The following ARHGAP28 variants were observed in gnomAD, a reference collection of about 807,000 sequenced individuals.
ARHGAP28 encodes Rho GTPase activating protein 28.
A neutral mutation model predicts 90.7 loss-of-function variants in ARHGAP28; 56 were observed. The ratio of observed to expected loss-of-function variants is 0.62; its 90% confidence interval spans 0.50 to 0.77. ARHGAP28 has a LOEUF of 0.77. ARHGAP28 is among the 30% of genes least tolerant of loss of function. ARHGAP28 has a pLI of 0.00. For missense variants in ARHGAP28, 869 were observed against 900.9 expected (o/e 0.96, Z 0.45); for synonymous variants, 308 against 323.3 (o/e 0.95, Z 0.51).
intron 1 of ARHGAP28, among the ~76,000 whole-genome samples, chr18:6,755,348 G>A (rs2056101135): frequency 6.6e-6 from 1 of 152,134 alleles, no homozygotes; most frequent in Non-Finnish European, 1.5e-5. Flanking sequence ...GGATATAAAT[G>A]CCATTAGGGT....
chr18:6,771,364 A>G (rs1426272912), intron 1 of ARHGAP28, among the ~76,000 whole-genome samples: 1 of 152,146 alleles, frequency 6.6e-6, no homozygotes, highest in Admixed American at 6.5e-5. Flanking sequence ...ATTTTCAATT[A>G]TTAATGCTCA....
chr18:6,762,386 CCT>C (rs1407949167), intron 1 of ARHGAP28, among the ~76,000 whole-genome samples: 1 of 152,162 alleles, frequency 6.6e-6, no homozygotes, highest in Non-Finnish European at 1.5e-5. Flanking sequence ...CCACCACTTC[CCT>C]CTCTAGCTTC....
Position 6,913,963 on chromosome 18 carries a change from A to G in ARHGAP28, c.*1809A>G, listed in dbSNP as rs2143903198. The G allele has an allele frequency of 6.6e-6, 1 of 152,296 alleles. No individual in the cohort carries two copies. Among genetic ancestry groups the G allele is most frequent in the East Asian group, 1.9e-4 (1 of 5,188 alleles). The allele number at this position is 152,296 out of a possible 1,614,324, so 9.4% of individuals were successfully genotyped here. On this transcript the variant is annotated 3_prime_UTR_variant, in exon 18 of 18. Transcript: ENST00000383472. ...ACATCCCAAGATGTAAAACGGCAGTAATTTATGACCACGTATGGAAGAAAT... is the reference window on the plus strand; with the variant it reads ...ACATCCCAAGATGTAAAACGGCAGTGATTTATGACCACGTATGGAAGAAAT...
chr18:6,854,080 G>C (rs555610077), intron 4 of ARHGAP28, among the ~76,000 whole-genome samples: 1 of 151,930 alleles, frequency 6.6e-6, no homozygotes, highest in Non-Finnish European at 1.5e-5. Flanking sequence ...TTACATGAAA[G>C]TTGAACCAGA....
At chr18:6,794,286 CAAGTA>C (rs2056426352) in intron 1 of ARHGAP28, among the ~76,000 whole-genome samples, 1 of 152,188 alleles carries the variant, frequency 6.6e-6, no homozygotes, top group Non-Finnish European at 1.5e-5. Context: ...CATAATACAA[CAAGTA>C]AATTGTAGTG....
intron 16 of ARHGAP28, 24 bp from the exon 17 acceptor site, chr18:6,908,936 A>T (rs1323301161): frequency 7.2e-7 from 1 of 1,388,380 alleles, no homozygotes; most frequent in Non-Finnish European, 1.0e-6. Flanking sequence ...TACTAAAATT[A>T]TATTATTTTC....
At position 6,829,738 on chromosome 18, in the gene ARHGAP28, C is replaced by T. The variant is rs933570013; in HGVS notation, c.325+4774C>T. Reference sequence around the variant, plus strand: ...TTGCATCATTAATTATTTTGGGGTTCGGCTTCTTTCACTGAGCATAGTTTT... The same window carrying T: ...TTGCATCATTAATTATTTTGGGGTTTGGCTTCTTTCACTGAGCATAGTTTT... On this transcript the variant is annotated intron_variant, in intron 2 of 17. Transcript: ENST00000383472. Among the ~76,000 whole-genome samples, 12 of 152,106 alleles carry T rather than the reference C, an allele frequency of 7.9e-5. No homozygotes were observed. The East Asian group carries it at 9.6e-4, about 12-fold the overall frequency.
intron 5 of ARHGAP28, among the ~76,000 whole-genome samples, chr18:6,860,127 C>G (rs1316471712): frequency 6.6e-6 from 1 of 152,180 alleles, no homozygotes; most frequent in Admixed American, 6.5e-5. Flanking sequence ...AGCCAGAAAT[C>G]AAAGGATGTT....
chr18:6,743,648 A>G (rs1267799505), intron 1 of ARHGAP28, among the ~76,000 whole-genome samples: 1 of 152,260 alleles, frequency 6.6e-6, no homozygotes, highest in African/African-American at 2.4e-5. Context: ...AAATAATCAT[A>G]GCTTCATACA....
Position 6,783,241 on chromosome 18 carries a change from AG to A in ARHGAP28, c.123-41520del, listed in dbSNP as rs552840026. On this transcript the variant is annotated intron_variant, in intron 1 of 17. Coordinates refer to ENST00000383472, the MANE Select transcript of ARHGAP28 (RefSeq NM_001366230.1). ...CTATAGAAATAAACAGACTCACTGC[AG>A]TTTTTTTTCCATGTCGCCCCCCTCG... 2.3e-4 allele frequency among the ~76,000 whole-genome samples: 34 copies of A among 151,102 alleles called. No homozygotes were observed. The South Asian group carries it at 7.1e-3, about 32-fold the overall frequency.
chr18:6,863,658 C>G (rs1166376195), intron 5 of ARHGAP28, among the ~76,000 whole-genome samples: 1 of 151,196 alleles, frequency 6.6e-6, no homozygotes, highest in African/African-American at 2.4e-5. Context: ...ATTTATCGAA[C>G]TATGATATAA....
intron 5 of ARHGAP28, among the ~76,000 whole-genome samples, chr18:6,861,774 C>T (rs542371609): frequency 9.9e-5 from 15 of 152,232 alleles, no homozygotes; most frequent in South Asian, 6.2e-4. Flanking sequence ...TTCTTAGCTG[C>T]GAATTTCTTC....
At position 6,914,906 on chromosome 18, in the gene ARHGAP28, T is replaced by C. The variant is rs987400884; in HGVS notation, c.*2752T>C. The C allele has an allele frequency of 1.3e-5, 2 of 152,602 alleles. No homozygotes were observed. The highest frequency in any genetic ancestry group is 6.5e-5 in the Admixed American group (1 of 15,288). 9.5% of individuals were successfully genotyped at this position (152,602 alleles called of 1,614,324 possible). ...TATGATTCTTGGAGTCAATGATCTC[T>C]AAACAAACTGGATTATCAACTATTT... On this transcript the variant is annotated 3_prime_UTR_variant, in exon 18 of 18. Coordinates refer to ENST00000383472, the MANE Select transcript of ARHGAP28 (RefSeq NM_001366230.1).
chr18:6,769,491 G>A lies in ARHGAP28; in HGVS notation c.122+39548G>A, dbSNP rs566704998. On this transcript the variant is annotated intron_variant, in intron 1 of 17. Coordinates refer to ENST00000383472, the MANE Select transcript of ARHGAP28 (RefSeq NM_001366230.1). The stretch of plus-strand genomic sequence containing the variant: ...CTATTCATTTAGGACTTCCAAAAGC[G>A]AGGAACTCTGTTAAGGGATTTGCAT... Among the ~76,000 whole-genome samples the A allele has an allele frequency of 5.3e-5, 8 of 152,256 alleles. No individual in the cohort carries two copies. In the South Asian group the frequency reaches 1.7e-3, roughly 32 times the overall value.
intron 1 of ARHGAP28, among the ~76,000 whole-genome samples, chr18:6,734,224 A>G (rs2055907178): frequency 6.6e-6 from 1 of 152,216 alleles, no homozygotes; most frequent in Non-Finnish European, 1.5e-5. Flanking sequence ...GACTATTGAC[A>G]AACATACAAA....
Position 6,852,060 on chromosome 18 carries a change from A to G in ARHGAP28, c.636+934A>G, listed in dbSNP as rs75137634. On this transcript the variant is annotated intron_variant, in intron 4 of 17. Coordinates refer to ENST00000383472, the MANE Select transcript of ARHGAP28 (RefSeq NM_001366230.1). Reference sequence around the variant, plus strand: ...ACTTTATGTACAGTTAATTGCATATATGGTATATCTCAATAATCCTGTTTT... The same window carrying G: ...ACTTTATGTACAGTTAATTGCATATGTGGTATATCTCAATAATCCTGTTTT... Among the ~76,000 whole-genome samples, 3,192 of 152,330 alleles carry G rather than the reference A, an allele frequency of 0.021. 243 individuals are homozygous for G. In the East Asian group the frequency reaches 0.28, roughly 13 times the overall value.
chr18:6,866,428 T>C (rs1174752365), intron 5 of ARHGAP28, among the ~76,000 whole-genome samples: 1 of 152,190 alleles, frequency 6.6e-6, no homozygotes, highest in Non-Finnish European at 1.5e-5. Context: ...CCATCTGGCC[T>C]GAATGCTTCT....
rs141139106 is a variant in ARHGAP28, at chr18:6,870,579, T to C, written c.812-11T>C. 1.8e-4 allele frequency: 283 copies of C among 1,600,492 alleles called. 1 individual carries two copies. The African/African-American group carries it at 3.4e-3, about 19-fold the overall frequency. ...ATATTAAATAGTCTGTATTCTTTGT[T>C]TTGTCTTTAGATGATGATTTTCTGG... On this transcript the variant is annotated splice_polypyrimidine_tract_variant and intron_variant, in intron 6 of 17. Coordinates refer to ENST00000383472, the MANE Select transcript of ARHGAP28 (RefSeq NM_001366230.1).
chr18:6,838,104 A>C (rs1453250941), intron 3 of ARHGAP28, among the ~76,000 whole-genome samples: 5 of 152,240 alleles, frequency 3.3e-5, no homozygotes, highest in African/African-American at 1.2e-4. Flanking sequence ...TTGCAATGTT[A>C]CATTACAATA....
Sources: gnomAD v4.1 joint callset for allele counts (sites outside exome capture counted in the v4.1 genomes callset) on GRCh38, gnomAD v4.1.1 for gene constraint, MANE v1.5 for transcripts, NCBI Gene and HGNC (gene_info 2026-07-23, HGNC 2026-07-21) for gene names.